Variants in ELK3 observed in about 807,000 individuals in gnomAD.
ELK3 encodes the protein ETS transcription factor ELK3.
Under a neutral mutation model 28.9 loss-of-function variants are expected in ELK3, and 10 were observed. The observed-to-expected ratio is 0.35, with a 90% CI of 0.21 to 0.59. The LOEUF (loss-of-function observed/expected upper bound fraction) is 0.59. Among genes scored for constraint, ELK3 ranks in the 20% least tolerant of loss-of-function variants. The pLI is 0.82. For synonymous variants in ELK3, 272 were observed against 243.5 expected, an observed-to-expected ratio of 1.12 and a Z score of -1.09; for missense variants, 463 against 517.3, an observed-to-expected ratio of 0.90 and a Z score of 1.02.
intron 2 of ELK3, among the ~76,000 whole-genome samples, chr12:96,230,376 T>G (rs977437774): frequency 1.3e-5 from 2 of 152,214 alleles, no homozygotes; most frequent in African/African-American, 4.8e-5. Flanking sequence ...CAGACACTGC[T>G]GGGCTTTTTG....
At chr12:96,254,508 A>G (rs1203026132) in intron 3 of ELK3, among the ~76,000 whole-genome samples, 2 of 152,118 alleles carry the variant, frequency 1.3e-5, no homozygotes, top group Admixed American at 6.6e-5. Context: ...CACACACACA[A>G]TAGCCCTTGG....
intron 2 of ELK3, among the ~76,000 whole-genome samples, chr12:96,236,656 G>A (rs762288945): frequency 3.3e-5 from 5 of 152,158 alleles, no homozygotes; most frequent in East Asian, 3.9e-4. Context: ...CACCTTACCC[G>A]GTGCCTGTAC....
At chr12:96,226,526 GTC>G (rs1448561028) in intron 2 of ELK3, among the ~76,000 whole-genome samples, 9 of 75,650 alleles carry the variant, frequency 1.2e-4, no homozygotes, top group African/African-American at 2.2e-4. Context: ...CCACACAGAT[GTC>G]CACATGTCCA....
chr12:96,201,580 CA>C (rs11298632), intron 1 of ELK3, among the ~76,000 whole-genome samples: 61,584 of 83,030 alleles, frequency 0.74, 21,457 homozygotes, highest in Middle Eastern at 0.87. Flanking sequence ...AACCCTGTCT[CA>C]AAAAAAAAAA....
intron 1 of ELK3, among the ~76,000 whole-genome samples, chr12:96,210,469 G>A (rs933404331): frequency 6.6e-6 from 1 of 151,994 alleles, no homozygotes; most frequent in Non-Finnish European, 1.5e-5. Context: ...CGTGATGTGA[G>A]GTGCATGCAT....
chr12:96,230,611 TC>T (rs1951734006), intron 2 of ELK3, among the ~76,000 whole-genome samples: 1 of 151,880 alleles, frequency 6.6e-6, no homozygotes, highest in African/African-American at 2.4e-5. Context: ...CCAAGAGGAG[TC>T]CTGCCTTGGA....
rs200436208 is a variant in ELK3, at chr12:96,267,076, C to G, written c.1126-6C>G. ...AATTATTGTAAAAATCTTTTGTCCC[C>G]TACAGTTCCCCACACTGCTTAATGG... is the stretch of plus-strand genomic sequence containing the variant. On this transcript the variant is annotated splice_region_variant and splice_polypyrimidine_tract_variant and intron_variant, in intron 4 of 4. Coordinates refer to ENST00000228741, the MANE Select transcript of ELK3 (RefSeq NM_005230.4). 1.2e-3 allele frequency: 1,860 copies of G among 1,608,790 alleles called. 5 individuals carry two copies. The highest frequency in any genetic ancestry group is 1.5e-3 in the Non-Finnish European group (1,783 of 1,178,324).
chr12:96,259,831 A>C lies in ELK3; in HGVS notation c.1103A>C (p.Gln368Pro). 1.9e-6 allele frequency: 3 copies of C among 1,606,298 alleles called. No individual in the cohort carries two copies. The highest frequency in any genetic ancestry group is 2.5e-6 in the Non-Finnish European group (3 of 1,177,302). Residue 368 changes from glutamine to proline, a missense_variant, in exon 4 of 5, where the codon CAA becomes CCA. Around this residue, in one of 2 missense-constraint regions of ELK3, gnomAD observed 408 missense variants for 414.8 expected, o/e 0.98. Transcript: ENST00000228741. ...GCTCCGCTGAGTCCTGCCAGGCTGCAAGGGCCAAGCACGCTGTTCCAGGTG... is the reference window on the plus strand; with the variant it reads ...GCTCCGCTGAGTCCTGCCAGGCTGCCAGGGCCAAGCACGCTGTTCCAGGTG... Reference protein sequence around the residue: ...PVAPLSPARLQGPSTLFQFPT... With the variant: ...PVAPLSPARLPGPSTLFQFPT...
At chr12:96,249,929 G>C (rs1371069745) in intron 3 of ELK3, among the ~76,000 whole-genome samples, 3 of 152,186 alleles carry the variant, frequency 2.0e-5, no homozygotes, top group Non-Finnish European at 4.4e-5. Context: ...TTTACAAGAG[G>C]ACCTGTGCCT....
At chr12:96,246,585 C>A (rs1344575479) in intron 2 of ELK3, among the ~76,000 whole-genome samples, 5 of 152,134 alleles carry the variant, frequency 3.3e-5, no homozygotes, top group Non-Finnish European at 7.4e-5. Context: ...TGCTTGAGTC[C>A]AGGAGGTTGA....
At chr12:96,261,657 C>A (rs747237649) in intron 4 of ELK3, among the ~76,000 whole-genome samples, 71 of 152,174 alleles carry the variant, frequency 4.7e-4, no homozygotes, top group Non-Finnish European at 2.5e-4. Flanking sequence ...TCATTTCTCT[C>A]CTTACTGGGA....
At chr12:96,195,812 T>G (rs1052197080) in intron 1 of ELK3, among the ~76,000 whole-genome samples, 9 of 152,166 alleles carry the variant, frequency 5.9e-5, no homozygotes, top group Non-Finnish European at 1.2e-4. Context: ...TTGCTCCTTC[T>G]TAGGTTTATG....
At chr12:96,199,480 C>CTGTGTGTGTGTG (rs10678770) in intron 1 of ELK3, among the ~76,000 whole-genome samples, 19 of 146,384 alleles carry the variant, frequency 1.3e-4, no homozygotes, top group African/African-American at 3.3e-4. Flanking sequence ...ATAAAATTAG[C>CTGTGTGTGTGTG]TGTGTGTGTG....
intron 1 of ELK3, among the ~76,000 whole-genome samples, chr12:96,195,803 T>C (rs2136994809): frequency 6.6e-6 from 1 of 152,296 alleles, no homozygotes; most frequent in South Asian, 2.1e-4. Context: ...AACTGTGGTT[T>C]GCTCCTTCTT....
intron 3 of ELK3, among the ~76,000 whole-genome samples, chr12:96,259,279 T>C (rs1951975218): frequency 6.6e-6 from 1 of 152,148 alleles, no homozygotes; most frequent in African/African-American, 2.4e-5. Flanking sequence ...CAGCCAGGTA[T>C]GGTGGCTCAC....
rs574054451 is a variant in ELK3 at position 96,225,422 on chromosome 12, A to G, written c.207+1649A>G. On this transcript the variant is annotated intron_variant, in intron 2 of 4. Transcript: ENST00000228741. The stretch of plus-strand genomic sequence containing the variant: ...TAGCAAAGCCATTCCTGTTTAGACT[A>G]TATCTTATCTCCCTTGGGCAGATTT... Among the ~76,000 whole-genome samples the G allele has an allele frequency of 3.9e-5, 6 of 152,342 alleles. No individual in the cohort carries two copies. The South Asian group carries it at 1.0e-3, about 26-fold the overall frequency.
intron 1 of ELK3, among the ~76,000 whole-genome samples, chr12:96,202,264 T>A (rs1951512162): frequency 6.6e-6 from 1 of 152,170 alleles, no homozygotes; most frequent in Non-Finnish European, 1.5e-5. Context: ...AAGATGTGAT[T>A]TGGGCCAGCA....
At chr12:96,224,550 C>A (rs1385308435) in intron 2 of ELK3, among the ~76,000 whole-genome samples, 1 of 152,206 alleles carries the variant, frequency 6.6e-6, no homozygotes, top group Non-Finnish European at 1.5e-5. Flanking sequence ...ATTTTTAAGT[C>A]ATAGAGATGA....
intron 2 of ELK3, among the ~76,000 whole-genome samples, chr12:96,245,609 T>C (rs1951849930): frequency 1.3e-5 from 2 of 152,152 alleles, no homozygotes; most frequent in South Asian, 4.1e-4. Flanking sequence ...TGGAATAGTT[T>C]CTAAGGAAAC....
Sources: gnomAD v4.1 joint callset for allele counts (sites outside exome capture counted in the v4.1 genomes callset) on GRCh38, gnomAD v4.1.1 for gene constraint, gnomAD v4.1.1 regional missense constraint, MANE v1.5 for transcripts, NCBI Gene and HGNC (gene_info 2026-07-23, HGNC 2026-07-21) for gene names.